Variants in LY86 observed in about 807,000 individuals in gnomAD.
The protein encoded by LY86 is lymphocyte antigen 86, also known as MD-1, RP105-associated.
LY86 carries 20 observed loss-of-function variants against 17.3 expected under a neutral mutation model. The observed-to-expected ratio is 1.15, with a 90% CI of 0.81 to 1.68. LY86 has a LOEUF of 1.68. Among genes scored for constraint, LY86 ranks in the 40% most tolerant of loss-of-function variants. The probability of loss-of-function intolerance (pLI) is 0.00; values close to 1 mark genes in which losing one functional copy is unlikely to be tolerated. For missense variants in LY86, 200 were observed against 191.9 expected, an observed-to-expected ratio of 1.04 and a Z score of -0.25; for synonymous variants, 74 against 70.6, an observed-to-expected ratio of 1.05 and a Z score of -0.24.
chr6:6,609,548 C>T (rs1761280384), intron 1 of LY86, among the ~76,000 whole-genome samples: 1 of 152,212 alleles, frequency 6.6e-6, no homozygotes, highest in African/African-American at 2.4e-5. Flanking sequence ...CACTACTCCA[C>T]CTTAAATCCA....
intron 1 of LY86, among the ~76,000 whole-genome samples, chr6:6,612,137 TAAGATTGA>T (rs1193223634): frequency 2.6e-5 from 4 of 151,954 alleles, no homozygotes; most frequent in African/African-American, 9.7e-5. Flanking sequence ...CAACAACTCC[TAAGATTGA>T]TAGATGTGTC....
intron 3 of LY86, among the ~76,000 whole-genome samples, chr6:6,637,035 G>A (rs1320852752): frequency 1.4e-5 from 2 of 145,342 alleles, no homozygotes; most frequent in African/African-American, 2.5e-5. Flanking sequence ...TAATGAGAAG[G>A]AGTCTCGCTC....
chr6:6,646,726 G>C (rs1762112929), intron 3 of LY86, among the ~76,000 whole-genome samples: 1 of 152,044 alleles, frequency 6.6e-6, no homozygotes, highest in African/African-American at 2.4e-5. Context: ...ACTCGCCATA[G>C]ATTCTACGGT....
chr6:6,604,386 CAG>C (rs2113097492), intron 1 of LY86, among the ~76,000 whole-genome samples: 1 of 151,804 alleles, frequency 6.6e-6, no homozygotes, highest in East Asian at 1.9e-4. Context: ...TCAAAATAAT[CAG>C]GGAGGTTTGA....
chr6:6,604,468 CAT>C (rs1453219455), intron 1 of LY86, among the ~76,000 whole-genome samples: 3 of 151,808 alleles, frequency 2.0e-5, no homozygotes, highest in African/African-American at 7.3e-5. Context: ...TATGTTAAAA[CAT>C]TGTTTTTAAA....
chr6:6,589,612 AAAT>A (rs1401864398), intron 1 of LY86, among the ~76,000 whole-genome samples: 2 of 152,098 alleles, frequency 1.3e-5, no homozygotes, highest in African/African-American at 4.8e-5. Context: ...CTGGGGACTT[AAAT>A]AACAGATTTA....
At chr6:6,629,715 C>G (rs1206566373) in intron 3 of LY86, among the ~76,000 whole-genome samples, 4 of 152,224 alleles carry the variant, frequency 2.6e-5, no homozygotes, top group Non-Finnish European at 4.4e-5. Context: ...CCTCCTTTCC[C>G]TCTGCCTTGT....
At chr6:6,603,054 T>C (rs1232755739) in intron 1 of LY86, among the ~76,000 whole-genome samples, 1 of 152,064 alleles carries the variant, frequency 6.6e-6, no homozygotes, top group Non-Finnish European at 1.5e-5. Context: ...TAGGGAGCGC[T>C]CACTCTCTGC....
chr6:6,645,505 C>T (rs375713650), intron 3 of LY86, among the ~76,000 whole-genome samples: 8 of 152,052 alleles, frequency 5.3e-5, no homozygotes, highest in African/African-American at 1.9e-4. Flanking sequence ...AGAGCTGGGT[C>T]TCAAACCCAA....
intron 1 of LY86, among the ~76,000 whole-genome samples, chr6:6,596,766 C>T (rs1242906778): frequency 6.6e-6 from 1 of 152,132 alleles, no homozygotes; most frequent in Non-Finnish European, 1.5e-5. Context: ...GTTCCTGTGA[C>T]CACGCCACCA....
intron 1 of LY86, among the ~76,000 whole-genome samples, chr6:6,610,597 T>G (rs1761307670): frequency 6.6e-6 from 1 of 152,168 alleles, no homozygotes; most frequent in Admixed American, 6.5e-5. Flanking sequence ...CTGAGTTACA[T>G]GGAAGCTTCT....
intron 1 of LY86, among the ~76,000 whole-genome samples, chr6:6,620,016 G>T (rs900345674): frequency 6.6e-6 from 1 of 152,054 alleles, no homozygotes; most frequent in African/African-American, 2.4e-5. Context: ...TTGGAGGGGG[G>T]TCAGCTCCTT....
At chr6:6,653,080 C>T (rs1196957126) in intron 4 of LY86, among the ~76,000 whole-genome samples, 1 of 152,216 alleles carries the variant, frequency 6.6e-6, no homozygotes, top group Non-Finnish European at 1.5e-5. Flanking sequence ...TCTAAAATTA[C>T]AGCTGCTCAA....
At chr6:6,617,312 CAT>C (rs1359150704) in intron 1 of LY86, among the ~76,000 whole-genome samples, 1 of 152,078 alleles carries the variant, frequency 6.6e-6, no homozygotes, top group Non-Finnish European at 1.5e-5. Context: ...AGTTAAGAAA[CAT>C]ATTGTAAGAA....
chr6:6,601,615 G>A (rs551428349), intron 1 of LY86, among the ~76,000 whole-genome samples: 13 of 152,236 alleles, frequency 8.5e-5, no homozygotes, highest in Admixed American at 6.5e-4. Flanking sequence ...AGCTACTCAG[G>A]AGGCTGAGGC....
rs575101281 is a variant in LY86 at position 6,596,162 on chromosome 6, T to C, written c.136+7292T>C. 5.3e-5 allele frequency among the ~76,000 whole-genome samples: 8 copies of C among 152,292 alleles called. No individual in the cohort carries two copies. In the South Asian group the frequency reaches 1.5e-3, roughly 28 times the overall value. On this transcript the variant is annotated intron_variant, in intron 1 of 4. Coordinates refer to ENST00000230568, the MANE Select transcript of LY86 (RefSeq NM_004271.4). ...CATGTGCCTGAATCATCCATCAAAGTGGCCAAACGGGACAATTAATCAGAC... is the reference window on the plus strand; with the variant it reads ...CATGTGCCTGAATCATCCATCAAAGCGGCCAAACGGGACAATTAATCAGAC...
At chr6:6,610,884 CTCTT>C (rs1053994910) in intron 1 of LY86, among the ~76,000 whole-genome samples, 13 of 152,204 alleles carry the variant, frequency 8.5e-5, no homozygotes, top group African/African-American at 3.1e-4. Flanking sequence ...ACGGTGGAAA[CTCTT>C]TCTGACCCCA....
rs145189911 is a variant in LY86, at chr6:6,612,427, G to A, written c.137-12499G>A. 9.0e-4 allele frequency among the ~76,000 whole-genome samples: 137 copies of A among 152,282 alleles called. 2 individuals carry two copies. The highest frequency in any genetic ancestry group is 3.0e-3 in the African/African-American group (126 of 41,564). On this transcript the variant is annotated intron_variant, in intron 1 of 4. Coordinates refer to ENST00000230568, the MANE Select transcript of LY86 (RefSeq NM_004271.4). Reference sequence around the variant, plus strand: ...ACCTAGTCTCACTGGCCTCATAAAAGAAACCGCAAACCTTCATGGGGAGTG... The same window carrying A: ...ACCTAGTCTCACTGGCCTCATAAAAAAAACCGCAAACCTTCATGGGGAGTG...
At chr6:6,606,776 C>T (rs1036555101) in intron 1 of LY86, among the ~76,000 whole-genome samples, 18 of 152,076 alleles carry the variant, frequency 1.2e-4, no homozygotes, top group African/African-American at 3.9e-4. Flanking sequence ...GCAAGCGCCG[C>T]GCGCAGCCCG....
Sources: gnomAD v4.1 joint callset for allele counts (sites outside exome capture counted in the v4.1 genomes callset) on GRCh38, gnomAD v4.1.1 for gene constraint, MANE v1.5 for transcripts, NCBI Gene and HGNC (gene_info 2026-07-23, HGNC 2026-07-21) for gene names.